FOXN2: variants seen among roughly 807,000 people sequenced by gnomAD.
The protein encoded by FOXN2 is forkhead box N2.
FOXN2 carries 19 observed loss-of-function variants against 41.2 expected under a neutral mutation model. That is an observed-to-expected ratio of 0.46 (90% CI 0.32 to 0.68). The LOEUF (loss-of-function observed/expected upper bound fraction) is 0.68. Among genes scored for constraint, FOXN2 ranks in the 30% least tolerant of loss-of-function variants. The pLI, the probability that FOXN2 is intolerant of heterozygous loss-of-function variation, is 0.03. For synonymous variants in FOXN2, 195 were observed against 176.8 expected, an observed-to-expected ratio of 1.10 and a Z score of -0.82; for missense variants, 587 against 509.4, an observed-to-expected ratio of 1.15 and a Z score of -1.47.
intron 2 of FOXN2, among the ~76,000 whole-genome samples, chr2:48,341,803 A>G (rs545270791): frequency 2.0e-5 from 3 of 152,362 alleles, no homozygotes; most frequent in Middle Eastern, 3.4e-3. Flanking sequence ...TTGGTAGTAC[A>G]AAAACATAGG....
intron 2 of FOXN2, among the ~76,000 whole-genome samples, chr2:48,334,288 T>C (rs1670197980): frequency 6.6e-6 from 1 of 152,226 alleles, no homozygotes; most frequent in Non-Finnish European, 1.5e-5. Flanking sequence ...TTGTGTGGCC[T>C]GTAGAATGTA....
chr2:48,348,793 C>T (rs1671271892), intron 3 of FOXN2, among the ~76,000 whole-genome samples: 1 of 152,320 alleles, frequency 6.6e-6, no homozygotes, highest in Admixed American at 6.5e-5. Context: ...CAATAGATGA[C>T]TTTTTTGTCT....
chr2:48,344,804 G>A (rs927215070), intron 2 of FOXN2, among the ~76,000 whole-genome samples: 1 of 148,968 alleles, frequency 6.7e-6, no homozygotes, highest in Non-Finnish European at 1.5e-5. Context: ...GAAGTAACCT[G>A]CCATCTATGT....
intron 2 of FOXN2, among the ~76,000 whole-genome samples, chr2:48,329,788 G>A (rs757674217): frequency 5.9e-5 from 9 of 152,070 alleles, no homozygotes; most frequent in Admixed American, 3.9e-4. Context: ...AACAAAAAAT[G>A]TATTGTTAAA....
At chr2:48,365,638 C>T (rs966616601) in intron 5 of FOXN2, among the ~76,000 whole-genome samples, 2 of 152,102 alleles carry the variant, frequency 1.3e-5, no homozygotes, top group Non-Finnish European at 2.9e-5. Flanking sequence ...ATGACTTGTA[C>T]GTATTATGCA....
chr2:48,327,077 A>T (rs1669724894), intron 1 of FOXN2, among the ~76,000 whole-genome samples: 1 of 152,078 alleles, frequency 6.6e-6, no homozygotes, highest in African/African-American at 2.4e-5. Flanking sequence ...TGACTCCAAA[A>T]TTTATCTCCA....
intron 3 of FOXN2, among the ~76,000 whole-genome samples, chr2:48,348,574 G>C (rs912997789): frequency 6.6e-6 from 1 of 152,138 alleles, no homozygotes; most frequent in Admixed American, 6.5e-5. Context: ...AGAATGGCAG[G>C]GACGGAAGTA....
At chr2:48,338,144 G>C (rs1227528059) in intron 2 of FOXN2, among the ~76,000 whole-genome samples, 1 of 152,014 alleles carries the variant, frequency 6.6e-6, no homozygotes, top group East Asian at 1.9e-4. Flanking sequence ...GTTAGAAATA[G>C]GTAACACAAA....
At chr2:48,315,174 C>T (rs1020033960) in intron 1 of FOXN2, among the ~76,000 whole-genome samples, 1 of 152,116 alleles carries the variant, frequency 6.6e-6, no homozygotes, top group African/African-American at 2.4e-5. Context: ...GAGGGGGCCC[C>T]AAGGACCCTC....
chr2:48,332,374 A>T (rs1018751539), intron 2 of FOXN2, among the ~76,000 whole-genome samples: 1 of 152,236 alleles, frequency 6.6e-6, no homozygotes, highest in Non-Finnish European at 1.5e-5. Context: ...TACAAGGATT[A>T]GAAGAAGGGT....
At chr2:48,357,862 GAA>G (rs200738115) in intron 3 of FOXN2, among the ~76,000 whole-genome samples, 23,402 of 113,486 alleles carry the variant, frequency 0.21, 2,060 homozygotes, top group Middle Eastern at 0.33. Flanking sequence ...GTCTTTTATT[GAA>G]AAAAAAAAAA....
At chr2:48,332,102 T>A (rs916849251) in intron 2 of FOXN2, among the ~76,000 whole-genome samples, 1 of 152,198 alleles carries the variant, frequency 6.6e-6, no homozygotes, top group Non-Finnish European at 1.5e-5. Context: ...TGAATGTAAC[T>A]AGGAGATATT....
chr2:48,365,425 T>A (rs1394231187), intron 5 of FOXN2, among the ~76,000 whole-genome samples: 4 of 152,256 alleles, frequency 2.6e-5, no homozygotes, highest in Non-Finnish European at 5.9e-5. Context: ...CTGACACTTA[T>A]TCTCTAAAGC....
chr2:48,341,849 A>G (rs150902949), intron 2 of FOXN2, among the ~76,000 whole-genome samples: 2 of 152,360 alleles, frequency 1.3e-5, no homozygotes, highest in African/African-American at 2.4e-5. Flanking sequence ...TATGACTTAC[A>G]TTATACTAAA....
At chr2:48,317,461 T>A (rs951560384) in intron 1 of FOXN2, among the ~76,000 whole-genome samples, 26 of 125,130 alleles carry the variant, frequency 2.1e-4, no homozygotes, top group African/African-American at 3.6e-4. Flanking sequence ...AAAAAAAAAA[T>A]TTTTTTTTTG....
In FOXN2 at chr2:48,376,509, T is replaced by C. The variant is rs1281364602; in HGVS notation, c.*1066T>C. On this transcript the variant is annotated 3_prime_UTR_variant, in exon 7 of 7. Coordinates refer to ENST00000340553, the MANE Select transcript of FOXN2 (RefSeq NM_002158.4). Reference sequence around the variant, plus strand: ...AATCTTAATAGATTTAATGCAATTTTACAGACACAATACCTTCATGAATTT... The same window carrying C: ...AATCTTAATAGATTTAATGCAATTTCACAGACACAATACCTTCATGAATTT... The C allele has an allele frequency of 1.3e-5, 2 of 152,636 alleles. No homozygotes were observed. The highest frequency in any genetic ancestry group is 2.1e-4 in the South Asian group (1 of 4,820). The allele number at this position is 152,636 out of a possible 1,614,324, so 9.5% of individuals were successfully genotyped here.
intron 5 of FOXN2, among the ~76,000 whole-genome samples, chr2:48,369,831 A>C (rs1353540023): frequency 6.6e-6 from 1 of 151,948 alleles, no homozygotes; most frequent in African/African-American, 2.4e-5. Flanking sequence ...CCATATCTCT[A>C]CAAAAAATAA....
chr2:48,327,462 TG>T (rs1231165281), intron 1 of FOXN2, among the ~76,000 whole-genome samples: 2 of 151,128 alleles, frequency 1.3e-5, no homozygotes. Context: ...TTTTTTTTTT[TG>T]AGATGGAATT....
At chr2:48,352,368 A>T (rs1383073936) in intron 3 of FOXN2, among the ~76,000 whole-genome samples, 1 of 152,090 alleles carries the variant, frequency 6.6e-6, no homozygotes, top group East Asian at 1.9e-4. Context: ...AGCTCTGGGA[A>T]TTCATCTTTT....
Sources: allele counts gnomAD v4.1 joint callset (sites outside exome capture counted in the v4.1 genomes callset), GRCh38; gene constraint gnomAD v4.1.1; transcripts MANE v1.5; gene names NCBI Gene and HGNC (gene_info 2026-07-23, HGNC 2026-07-21).